Variants in MEIOB observed in about 807,000 individuals in gnomAD.
MEIOB encodes the protein meiosis specific with OB-fold.
MEIOB carries 50 observed loss-of-function variants against 53.1 expected under a neutral mutation model. That is an observed-to-expected ratio of 0.94 (90% CI 0.75 to 1.19). The LOEUF (loss-of-function observed/expected upper bound fraction) is 1.19, where lower values mean the gene tolerates loss of function less well. Among genes scored for constraint, MEIOB ranks in the 50% most tolerant of loss-of-function variants. The probability of loss-of-function intolerance (pLI) is 0.00; values close to 1 mark genes in which losing one functional copy is unlikely to be tolerated. For missense variants in MEIOB, 551 were observed against 550.8 expected (o/e 1.00, Z 0.00); for synonymous variants, 192 against 182.5 (o/e 1.05, Z -0.42).
rs140316302 is a variant in MEIOB at position 1,867,361 on chromosome 16, T to C, written c.69+746A>G. ...ACATCATCATTGTAGAAAACACACA[T>C]GTTATAAACCTATATCATAAAAGCA... is the stretch of plus-strand genomic sequence containing the variant. On this transcript the variant is annotated intron_variant, in intron 2 of 13. Coordinates refer to ENST00000325962, the MANE Select transcript of MEIOB (RefSeq NM_001163560.3). Among the ~76,000 whole-genome samples the C allele has an allele frequency of 2.4e-3, 366 of 151,256 alleles. 4 individuals are homozygous for C. The highest frequency in any genetic ancestry group is 8.4e-3 in the African/African-American group (343 of 40,778).
chr16:1,859,854 G>A (rs775101438), intron 5 of MEIOB, among the ~76,000 whole-genome samples: 3 of 152,146 alleles, frequency 2.0e-5, no homozygotes, highest in Non-Finnish European at 4.4e-5. Flanking sequence ...TTGGGGAGTG[G>A]ATGGACTACA....
chr16:1,845,248 A>G (rs1010244979), intron 9 of MEIOB, among the ~76,000 whole-genome samples: 2 of 152,196 alleles, frequency 1.3e-5, no homozygotes, highest in Non-Finnish European at 2.9e-5. Flanking sequence ...GACCGGGCGC[A>G]GTGGCTCACG....
Position 1,837,993 on chromosome 16 carries a change from C to G in MEIOB, c.1219-123G>C, listed in dbSNP as rs73490142. 16,817 of 1,442,928 alleles carry G rather than the reference C, an allele frequency of 0.012. 979 individuals are homozygous for G. In the African/African-American group the frequency reaches 0.14, roughly 12 times the overall value. 89.4% of individuals were successfully genotyped at this position (1,442,928 alleles called of 1,614,324 possible). A position where few individuals can be genotyped will look rare whatever the true frequency, so the allele number is the denominator to read the frequency against. On this transcript the variant is annotated intron_variant, in intron 12 of 13. Transcript: ENST00000325962. ...AATTTTATTTGCAGTAATTACAGCT[C>G]AATCGTTTGTTTTTGTTTGTAGAGA... is the stretch of plus-strand genomic sequence containing the variant.
chr16:1,839,518 T>C (rs1324303575), intron 11 of MEIOB, 80 bp from the exon 12 acceptor site: 3 of 1,304,674 alleles, frequency 2.3e-6, no homozygotes, highest in Non-Finnish European at 3.2e-6. Context: ...GAATTGTCAC[T>C]AAAAACTCTA....
chr16:1,835,151 G>A (rs1347471247), intron 13 of MEIOB, among the ~76,000 whole-genome samples: 1 of 152,084 alleles, frequency 6.6e-6, no homozygotes, highest in African/African-American at 2.4e-5. Flanking sequence ...GCTACTCGGT[G>A]GCTGAGGCGG....
chr16:1,838,067 G>T, intron 12 of MEIOB, 197 bp from the exon 13 acceptor site: 1 of 1,019,484 alleles, frequency 9.8e-7, no homozygotes, highest in Non-Finnish European at 1.4e-6. Flanking sequence ...TGCTATCACA[G>T]CTCACTGCAG....
At position 1,834,220 on chromosome 16, in the gene MEIOB, CTT is replaced by C. The variant is rs758640569; in HGVS notation, c.*34_*35del. Reference sequence around the variant, plus strand: ...TTCCATTTTAAAGGGAGTTAAAACTCTTATACTTTTCCAGAGTTCAAAATGAT... The same window carrying C: ...TTCCATTTTAAAGGGAGTTAAAACTCATACTTTTCCAGAGTTCAAAATGAT... On this transcript the variant is annotated 3_prime_UTR_variant, in exon 14 of 14. Coordinates refer to ENST00000325962, the MANE Select transcript of MEIOB (RefSeq NM_001163560.3). 29 of 1,149,866 alleles carry C rather than the reference CTT, an allele frequency of 2.5e-5. No homozygotes were observed. The African/African-American group carries it at 3.7e-4, about 15-fold the overall frequency. 71.2% of individuals were successfully genotyped at this position (1,149,866 alleles called of 1,614,324 possible). A position where few individuals can be genotyped will look rare whatever the true frequency, so the allele number is the denominator to read the frequency against.
At chr16:1,864,783 GGC>G (rs1465996685) in intron 3 of MEIOB, among the ~76,000 whole-genome samples, 1 of 151,724 alleles carries the variant, frequency 6.6e-6, no homozygotes, top group East Asian at 1.9e-4. Flanking sequence ...CACTGTGCCT[GGC>G]AAAAAACCGT....
intron 2 of MEIOB, among the ~76,000 whole-genome samples, chr16:1,866,744 T>C (rs74320523): frequency 4.1e-5 from 2 of 48,234 alleles, no homozygotes; most frequent in East Asian, 1.2e-3. Flanking sequence ...AAAAAAAAAA[T>C]AATAAAAAAT....
intron 13 of MEIOB, among the ~76,000 whole-genome samples, chr16:1,836,847 GA>G (rs1286752252): frequency 1.3e-5 from 2 of 152,194 alleles, no homozygotes; most frequent in African/African-American, 4.8e-5. Flanking sequence ...GTGTGCTCTA[GA>G]ATGTTTTAAA....
At chr16:1,838,833 A>C (rs1036933115) in intron 12 of MEIOB, among the ~76,000 whole-genome samples, 33 of 152,248 alleles carry the variant, frequency 2.2e-4, no homozygotes, top group African/African-American at 7.2e-4. Context: ...CTAGGATTAC[A>C]AGTGCACGTC....
At chr16:1,860,378 A>C (rs1567280083) in intron 5 of MEIOB, 25 bp downstream of exon 5, 2 of 1,307,128 alleles carry the variant, frequency 1.5e-6, no homozygotes, top group Non-Finnish European at 2.2e-6. Flanking sequence ...TTCTCGCACA[A>C]TCTCTGTGCT....
intron 13 of MEIOB, among the ~76,000 whole-genome samples, chr16:1,835,862 C>CTT (rs34146401): frequency 2.7e-4 from 39 of 142,764 alleles, no homozygotes; most frequent in Non-Finnish European, 1.2e-4. Context: ...ATTCCTTTTT[C>CTT]TTTTTTTTTT....
chr16:1,837,948 A>G, intron 12 of MEIOB, 78 bp from the exon 13 acceptor site: 1 of 1,451,366 alleles, frequency 6.9e-7, no homozygotes. Flanking sequence ...GTGTGAAACA[A>G]ACTTTCTCAT....
chr16:1,854,006 C>G, intron 7 of MEIOB, 94 bp downstream of exon 7: 2 of 730,656 alleles, frequency 2.7e-6, no homozygotes, highest in Non-Finnish European at 4.7e-6. Flanking sequence ...ATTATCCTCT[C>G]TTGATATGAA....
At chr16:1,857,974 G>C (rs1899352692) in intron 5 of MEIOB, 44 bp from the exon 6 acceptor site, 3 of 1,289,616 alleles carry the variant, frequency 2.3e-6, no homozygotes, top group East Asian at 2.6e-5. Context: ...AGTGATCTTT[G>C]GAAAGAAAAA....
chr16:1,841,899 G>A lies in MEIOB; in HGVS notation c.955C>T (p.Pro319Ser). 1 of 1,608,812 alleles carries A rather than the reference G, an allele frequency of 6.2e-7. No homozygotes were observed. Among genetic ancestry groups the A allele is most frequent in the Non-Finnish European group, 8.5e-7 (1 of 1,177,374 alleles). Residue 319 changes from proline (P) to serine (S), a missense_variant, in exon 11 of 14, where the codon CCT (proline) becomes TCT (serine). Pro to Ser is a moderately conservative substitution (Grantham distance 74, BLOSUM62 -1). Transcript: ENST00000325962. ...KALKNEGKADPSYGILYAYIS... is the reference protein window; with the variant it reads ...KALKNEGKADSSYGILYAYIS... ...TAGGCATAAAGGATGCCATAGGAAG[G>A]ATCAGCTTTTCCTTCATTCTTCAAA...
intron 9 of MEIOB, among the ~76,000 whole-genome samples, chr16:1,848,734 AT>A (rs1037615896): frequency 9.2e-5 from 14 of 151,638 alleles, no homozygotes; most frequent in African/African-American, 3.4e-4. Context: ...AGTAGAGATG[AT>A]ATTTCACCAT....
Position 1,842,826 on chromosome 16 carries a change from A to AT in MEIOB, c.881-854dup, listed in dbSNP as rs575850474. ...CTACGGGCGCCCGCCACCACGGCTA[A>AT]TTTTTTTTTGTATTTTTAGTAGAGA... On this transcript the variant is annotated intron_variant, in intron 10 of 13. Coordinates refer to ENST00000325962, the MANE Select transcript of MEIOB (RefSeq NM_001163560.3). Among the ~76,000 whole-genome samples the AT allele has an allele frequency of 8.9e-3, 1,314 of 148,074 alleles. 17 individuals carry two copies. The highest frequency in any genetic ancestry group is 0.031 in the African/African-American group (1,268 of 40,656).
Sources: gnomAD v4.1 joint callset for allele counts (sites outside exome capture counted in the v4.1 genomes callset) on GRCh38, gnomAD v4.1.1 for gene constraint, MANE v1.5 for transcripts, NCBI Gene and HGNC (gene_info 2026-07-23, HGNC 2026-07-21) for gene names.